PLEKHH1: variants seen among roughly 807,000 people sequenced by gnomAD.
PLEKHH1 encodes pleckstrin homology domain-containing family H member 1.
In PLEKHH1, 104 loss-of-function variants were observed where a neutral mutation model predicts 160.0. That is an observed-to-expected ratio of 0.65 (90% CI 0.55 to 0.76). The LOEUF (loss-of-function observed/expected upper bound fraction) is 0.76. Ranked by LOEUF, PLEKHH1 falls within the 30% of genes least tolerant of loss-of-function variation. The pLI is 0.00. For synonymous variants in PLEKHH1, 619 were observed against 678.4 expected (o/e 0.91, Z 1.36); for missense variants, 1,427 against 1,724.1 (o/e 0.83, Z 3.05).
chr14:67,579,340 G>A (rs369379355), intron 21 of PLEKHH1, 29 bp downstream of exon 21: 120 of 1,455,558 alleles, frequency 8.2e-5, no homozygotes, highest in Non-Finnish European at 1.0e-4. Context: ...TCTTTGCCCC[G>A]AGTCTTCTCA....
intron 2 of PLEKHH1, among the ~76,000 whole-genome samples, chr14:67,542,650 T>C (rs1176204533): frequency 6.6e-6 from 1 of 152,244 alleles, no homozygotes; most frequent in Non-Finnish European, 1.5e-5. Flanking sequence ...CCACCTTTCC[T>C]AATGTTTCTG....
chr14:67,578,094 C>T lies in PLEKHH1; in HGVS notation c.2646C>T (p.Thr882=), dbSNP rs367900317. The part of the protein sequence containing the change: ...SVDYHVSLAQ[T]ALQVCLVHPE... ...ACTACCATGTGTCCCTGGCCCAGACCGCACTGCAGGTCTGCCTGGTTCACC... is the reference window on the plus strand; with the variant it reads ...ACTACCATGTGTCCCTGGCCCAGACTGCACTGCAGGTCTGCCTGGTTCACC... The change falls in exon 19 of 29, where the codon ACC becomes ACT. Residue 882 remains threonine (T), a synonymous_variant. Coordinates refer to ENST00000329153, the MANE Select transcript of PLEKHH1 (RefSeq NM_020715.3). This position sits in a 1 kb window ranked among gnomAD's most constrained non-coding sequence, Gnocchi z 5.0. The T allele has an allele frequency of 1.7e-5, 27 of 1,613,634 alleles. No homozygotes were observed. Among genetic ancestry groups the T allele is most frequent in the African/African-American group, 1.2e-4 (9 of 74,898 alleles).
chr14:67,542,848 G>A (rs2034027001), intron 2 of PLEKHH1, among the ~76,000 whole-genome samples: 1 of 152,116 alleles, frequency 6.6e-6, no homozygotes. Flanking sequence ...CTACAGGCAT[G>A]CACCACCACG....
chr14:67,543,428 T>TACATCA (rs1156422006), intron 2 of PLEKHH1, among the ~76,000 whole-genome samples: 6 of 152,196 alleles, frequency 3.9e-5, no homozygotes, highest in African/African-American at 1.4e-4. Flanking sequence ...TAGAAAGGAA[T>TACATCA]GAATATACAT....
intron 5 of PLEKHH1, among the ~76,000 whole-genome samples, chr14:67,560,727 CTTTTTTTT>C (rs11433194): frequency 7.9e-6 from 1 of 126,430 alleles, no homozygotes; most frequent in African/African-American, 3.0e-5. Flanking sequence ...GAACATATAT[CTTTTTTTT>C]TTTTTTTTTT....
chr14:67,547,900 G>A (rs557583954), intron 2 of PLEKHH1, among the ~76,000 whole-genome samples: 3 of 152,310 alleles, frequency 2.0e-5, no homozygotes, highest in East Asian at 1.9e-4. Context: ...TGAAGGGAGA[G>A]GAGAGTTGAG....
At chr14:67,571,404 C>A (rs749000698) in intron 9 of PLEKHH1, 25 of 220,710 alleles carry the variant, frequency 1.1e-4, no homozygotes, top group Admixed American at 8.8e-4. Flanking sequence ...ATTGTTGCGA[C>A]GTCCCCACAC....
chr14:67,538,762 C>T (rs2033846972), intron 1 of PLEKHH1, among the ~76,000 whole-genome samples: 1 of 152,110 alleles, frequency 6.6e-6, no homozygotes, highest in South Asian at 2.1e-4. Flanking sequence ...GTGGTTAATC[C>T]TCTCCATCCC....
In PLEKHH1 at chr14:67,588,743, G is replaced by C. The variant is rs1263638347; in HGVS notation, c.*1508G>C. 6.6e-6 allele frequency: 1 copy of C among 152,530 alleles called. No individual in the cohort carries two copies. The highest frequency in any genetic ancestry group is 6.5e-5 in the Admixed American group (1 of 15,268). The allele number at this position is 152,530 out of a possible 1,614,324, so 9.4% of individuals were successfully genotyped here. ...GCTGAAAACTGTATATTTAGCAGTA[G>C]CACCCAAAACCAAGCCTTTAACCCC... On this transcript the variant is annotated 3_prime_UTR_variant, in exon 29 of 29. Transcript: ENST00000329153.
chr14:67,577,340 A>G lies in PLEKHH1; in HGVS notation c.2500A>G (p.Lys834Glu). ...LWRHPMLCYSKDGLYASLTTL... is the reference protein window; with the variant it reads ...LWRHPMLCYSEDGLYASLTTL... ...GAGGCACCCCATGCTGTGCTACAGC[A>G]AAGACGGCCTATACGCCTCCCTCAC... The change falls in exon 18 of 29, where the codon AAA becomes GAA. Residue 834 changes from lysine (K) to glutamate (E), a missense_variant. Lys to Glu is a moderately conservative substitution (Grantham distance 56). Around this residue, in one of 6 missense-constraint regions of PLEKHH1, gnomAD observed 436 missense variants for 607.5 expected, o/e 0.72. Coordinates refer to ENST00000329153, the MANE Select transcript of PLEKHH1 (RefSeq NM_020715.3). 2 of 1,583,906 alleles carry G rather than the reference A, an allele frequency of 1.3e-6. No individual in the cohort carries two copies. The highest frequency in any genetic ancestry group is 1.7e-6 in the Non-Finnish European group (2 of 1,165,516).
intron 26 of PLEKHH1, among the ~76,000 whole-genome samples, chr14:67,584,492 A>G (rs1241796504): frequency 1.3e-5 from 2 of 152,236 alleles, no homozygotes; most frequent in East Asian, 1.9e-4. Flanking sequence ...AGGGGAATCA[A>G]ATTACTTAGC....
Position 67,559,702 on chromosome 14 carries a change from A to C in PLEKHH1, c.423+11A>C. 1 of 1,583,838 alleles carries C rather than the reference A, an allele frequency of 6.3e-7. No homozygotes were observed. The highest frequency in any genetic ancestry group is 8.6e-7 in the Non-Finnish European group (1 of 1,159,502). ...CTCAAGTTGGCAAAGGTGGGTTGGAAACTCATCTTGGAGGCCTGCCAGAGG... is the reference window on the plus strand; with the variant it reads ...CTCAAGTTGGCAAAGGTGGGTTGGACACTCATCTTGGAGGCCTGCCAGAGG... On this transcript the variant is annotated intron_variant, in intron 5 of 28. Coordinates refer to ENST00000329153, the MANE Select transcript of PLEKHH1 (RefSeq NM_020715.3).
chr14:67,559,565 T>C, intron 4 of PLEKHH1, 43 bp from the exon 5 acceptor site: 1 of 1,375,480 alleles, frequency 7.3e-7, no homozygotes, highest in East Asian at 2.5e-5. Context: ...GTCACTCTCC[T>C]GGTGATTGTT....
chr14:67,555,737 G>T (rs2034566230), intron 2 of PLEKHH1, 88 bp from the exon 3 acceptor site: 5 of 1,556,318 alleles, frequency 3.2e-6, no homozygotes, highest in Non-Finnish European at 4.4e-6. Context: ...TGTGTGCAGT[G>T]TGTGCACAGT....
At chr14:67,577,246 A>G (rs1289614460) in intron 17 of PLEKHH1, 56 bp from the exon 18 acceptor site, 1 of 1,073,332 alleles carries the variant, frequency 9.3e-7, no homozygotes, top group Non-Finnish European at 1.4e-6. Context: ...TGAGTGGGAG[A>G]TGAGTCCCCT....
At chr14:67,583,915 A>G (rs2036024442) in intron 25 of PLEKHH1, 32 bp downstream of exon 25, 1 of 1,611,926 alleles carries the variant, frequency 6.2e-7, no homozygotes, top group African/African-American at 1.3e-5. Context: ...GCAGCAAGTC[A>G]CTGTGGGGAG....
chr14:67,572,913 CCT>C (rs947646229), intron 11 of PLEKHH1, among the ~76,000 whole-genome samples: 5 of 152,318 alleles, frequency 3.3e-5, no homozygotes, highest in African/African-American at 1.2e-4. Flanking sequence ...TCTTCTTCCT[CCT>C]CTCAGTCTTT....
At chr14:67,564,729 C>T (rs1189759846) in intron 7 of PLEKHH1, among the ~76,000 whole-genome samples, 1 of 150,262 alleles carries the variant, frequency 6.7e-6, no homozygotes, top group Non-Finnish European at 1.5e-5. Flanking sequence ...CTCAGTCTTG[C>T]CCAGGCTGGA....
At chr14:67,559,372 G>T (rs1167634660) in intron 4 of PLEKHH1, among the ~76,000 whole-genome samples, 1 of 152,128 alleles carries the variant, frequency 6.6e-6, no homozygotes, top group Admixed American at 6.5e-5. Context: ...CCATGTCAGG[G>T]ATATGCCGCG....
Sources: gnomAD v4.1 joint callset for allele counts (sites outside exome capture counted in the v4.1 genomes callset) on GRCh38, gnomAD v4.1.1 for gene constraint, gnomAD v4.1.1 regional missense constraint, Gnocchi (gnomAD v3.1) non-coding constraint, MANE v1.5 for transcripts, NCBI Gene and HGNC (gene_info 2026-07-23, HGNC 2026-07-21) for gene names.